ITIH5: variants seen among roughly 807,000 people sequenced by gnomAD.
ITIH5 encodes inter-alpha-trypsin inhibitor heavy chain H5.
In ITIH5, 65 loss-of-function variants were observed where a neutral mutation model predicts 77.5. The observed-to-expected ratio is 0.84, with a 90% CI of 0.69 to 1.03. ITIH5 has a LOEUF of 1.03. Among genes scored for constraint, ITIH5 ranks in the 50% least tolerant of loss-of-function variants. The pLI is 0.00. For synonymous variants in ITIH5, 525 were observed against 494.3 expected, an observed-to-expected ratio of 1.06 and a Z score of -0.82; for missense variants, 1,208 against 1,213.1, an observed-to-expected ratio of 1.00 and a Z score of 0.06.
chr10:7,666,247 C>T (rs1186628261), intron 1 of ITIH5, among the ~76,000 whole-genome samples: 5 of 152,066 alleles, frequency 3.3e-5, no homozygotes, highest in African/African-American at 1.2e-4. Context: ...TCCTGACAAA[C>T]GCACAGACCA....
intron 4 of ITIH5, among the ~76,000 whole-genome samples, chr10:7,639,625 A>C (rs1191853277): frequency 1.3e-5 from 2 of 152,202 alleles, no homozygotes; most frequent in African/African-American, 4.8e-5. Context: ...TTTTATCTAG[A>C]TACAAAGATC....
intron 2 of ITIH5, among the ~76,000 whole-genome samples, chr10:7,644,900 CAT>C (rs200933857): frequency 2.2e-4 from 12 of 55,766 alleles, no homozygotes; most frequent in South Asian, 1.1e-3. Context: ...ATATATATCA[CAT>C]ATATATATCA....
chr10:7,631,272 C>A (rs751958327), intron 5 of ITIH5, among the ~76,000 whole-genome samples: 10 of 152,088 alleles, frequency 6.6e-5, no homozygotes, highest in African/African-American at 2.2e-4. Context: ...TTCTAACGGG[C>A]GGCAAAGTTT....
At chr10:7,564,917 A>G (rs201543126) in intron 13 of ITIH5, among the ~76,000 whole-genome samples, 16 of 1,206 alleles carry the variant, frequency 0.013, no homozygotes, top group Admixed American at 0.017. Context: ...CTGTGTGTGT[A>G]TATATATATA....
chr10:7,653,567 A>G (rs985482801), intron 2 of ITIH5, among the ~76,000 whole-genome samples: 9 of 152,212 alleles, frequency 5.9e-5, no homozygotes, highest in African/African-American at 1.9e-4. Context: ...TACCCACATA[A>G]AAGAAGAAAT....
At chr10:7,585,592 A>C (rs7072983) in intron 8 of ITIH5, among the ~76,000 whole-genome samples, 2 of 152,018 alleles carry the variant, frequency 1.3e-5, no homozygotes, top group African/African-American at 4.8e-5. Flanking sequence ...TTACAAAAAC[A>C]GTATTGTTTT....
chr10:7,575,714 G>A (rs1832397337), intron 10 of ITIH5, among the ~76,000 whole-genome samples: 1 of 152,058 alleles, frequency 6.6e-6, no homozygotes, highest in South Asian at 2.1e-4. Context: ...CTTCCCACAT[G>A]CTCTCGGGGA....
At chr10:7,658,252 G>T (rs1487300210) in intron 1 of ITIH5, among the ~76,000 whole-genome samples, 1 of 152,116 alleles carries the variant, frequency 6.6e-6, no homozygotes, top group Non-Finnish European at 1.5e-5. Flanking sequence ...CCATTTTGAA[G>T]ACTAAAAGTA....
At chr10:7,641,414 C>T (rs181334890) in intron 3 of ITIH5, among the ~76,000 whole-genome samples, 1 of 151,940 alleles carries the variant, frequency 6.6e-6, no homozygotes, top group Admixed American at 6.6e-5. Flanking sequence ...GTTCATTTAT[C>T]TATTGACTGG....
rs200491757 is a variant in ITIH5 at position 7,573,182 on chromosome 10, C to G, written c.1992G>C (p.Lys664Asn). 6.2e-7 allele frequency: 1 copy of G among 1,611,632 alleles called. No individual in the cohort carries two copies. The highest frequency in any genetic ancestry group is 2.2e-5 in the East Asian group (1 of 44,812). The change falls in exon 11 of 14, where the codon AAG becomes AAC. Residue 664 changes from lysine to asparagine, a missense_variant. By Grantham distance (94) the Lys-to-Asn change is moderately conservative. Coordinates refer to ENST00000397146, the MANE Select transcript of ITIH5 (RefSeq NM_030569.7). ...TTTTAATTCTTGGCTGGTATGGCTT[C>G]TTGAGCAAAGGTCCTAAAAGGGAGA... is the stretch of plus-strand genomic sequence containing the variant. ...GAGTQPGPLL[K>N]KPYQPRIKIS...
chr10:7,664,411 A>C (rs1388752941), intron 1 of ITIH5, among the ~76,000 whole-genome samples: 2 of 151,894 alleles, frequency 1.3e-5, no homozygotes, highest in Non-Finnish European at 2.9e-5. Flanking sequence ...AAAAAAAAAA[A>C]AAAACTAAAA....
intron 7 of ITIH5, among the ~76,000 whole-genome samples, chr10:7,600,338 T>C (rs994346733): frequency 1.6e-4 from 24 of 152,184 alleles, no homozygotes; most frequent in African/African-American, 5.5e-4. Context: ...TCCCACCTGG[T>C]CCCCTGAAAC....
chr10:7,644,615 C>G lies in ITIH5; in HGVS notation c.136-2525G>C, dbSNP rs1373774042. Reference sequence around the variant, plus strand: ...TATATCATACATATCACATATATCACATATATATCACATATATCACATATA... The same window carrying G: ...TATATCATACATATCACATATATCAGATATATATCACATATATCACATATA... On this transcript the variant is annotated intron_variant, in intron 2 of 13. Transcript: ENST00000397146. Among the ~76,000 whole-genome samples, 64 of 96,756 alleles carry G rather than the reference C, an allele frequency of 6.6e-4. 1 individual carries two copies. Among genetic ancestry groups the G allele is most frequent in the South Asian group, 1.5e-3 (4 of 2,606 alleles). The allele number at this position is 96,756 out of a possible 152,430, so 63.5% of individuals were successfully genotyped here. A position where few individuals can be genotyped will look rare whatever the true frequency, so the allele number is the denominator to read the frequency against.
In ITIH5 at chr10:7,663,729, A is replaced by G. The variant is rs1317282251; in HGVS notation, c.90+3074T>C. 2.6e-5 allele frequency among the ~76,000 whole-genome samples: 4 copies of G among 152,212 alleles called. No individual in the cohort carries two copies. The East Asian group carries it at 7.7e-4, about 29-fold the overall frequency. On this transcript the variant is annotated intron_variant, in intron 1 of 13. Coordinates refer to ENST00000397146, the MANE Select transcript of ITIH5 (RefSeq NM_030569.7). ...ACAACTCTATATTGCAGATGATGAA[A>G]CTGAGACCCAGAGAGGTTAAGTGAC...
At chr10:7,658,998 C>A (rs1165443672) in intron 1 of ITIH5, among the ~76,000 whole-genome samples, 2 of 152,134 alleles carry the variant, frequency 1.3e-5, no homozygotes, top group African/African-American at 4.8e-5. Flanking sequence ...GGAGGAAGTC[C>A]ATTCAGTTGG....
intron 2 of ITIH5, among the ~76,000 whole-genome samples, chr10:7,644,530 G>GATATATCACATATATATGAT (rs1554757634): frequency 0.2 from 11,549 of 57,640 alleles, 1,755 homozygotes; most frequent in Admixed American, 0.28. Context: ...ACATATATAT[G>GATATATCACATATATATGAT]ATATATCACA....
In ITIH5 at chr10:7,642,119, C is replaced by T. The variant is rs556619118; in HGVS notation, c.136-29G>A. On this transcript the variant is annotated intron_variant, in intron 2 of 13. Transcript: ENST00000397146. ...TAGGAATGAAAACACACAGTATCATCGGTGATGCATGAAAGCATTTTGGTG... is the reference window on the plus strand; with the variant it reads ...TAGGAATGAAAACACACAGTATCATTGGTGATGCATGAAAGCATTTTGGTG... The T allele has an allele frequency of 4.4e-6, 7 of 1,583,968 alleles. No homozygotes were observed. The Admixed American group carries it at 5.2e-5, about 12-fold the overall frequency.
At chr10:7,606,679 C>T (rs1833132581) in intron 7 of ITIH5, among the ~76,000 whole-genome samples, 1 of 152,190 alleles carries the variant, frequency 6.6e-6, no homozygotes. Flanking sequence ...CAAACCCCCT[C>T]AACACACAAT....
intron 2 of ITIH5, among the ~76,000 whole-genome samples, chr10:7,644,020 C>A (rs1833928634): frequency 6.6e-6 from 1 of 152,152 alleles, no homozygotes; most frequent in African/African-American, 2.4e-5. Context: ...GTGGACAGAT[C>A]ACCTGAGTTC....
Sources: allele counts gnomAD v4.1 joint callset (sites outside exome capture counted in the v4.1 genomes callset), GRCh38; gene constraint gnomAD v4.1.1; transcripts MANE v1.5; gene names NCBI Gene and HGNC (gene_info 2026-07-23, HGNC 2026-07-21).